AKAP13: variants seen among roughly 807,000 people sequenced by gnomAD.
AKAP13 encodes the protein A-kinase anchoring protein 13, also known as A-kinase anchor protein 13.
AKAP13 carries 80 observed loss-of-function variants against 264.5 expected under a neutral mutation model. The observed-to-expected ratio is 0.30, with a 90% CI of 0.25 to 0.36. AKAP13 has a LOEUF of 0.36. Among genes scored for constraint, AKAP13 ranks in the 10% least tolerant of loss-of-function variants. AKAP13 has a pLI of 1.00. For missense variants in AKAP13, 3,712 were observed against 3,435.2 expected (o/e 1.08, Z -2.01); for synonymous variants, 1,380 against 1,250.2 (o/e 1.10, Z -2.19).
intron 1 of AKAP13, among the ~76,000 whole-genome samples, chr15:85,482,536 G>A (rs2075383282): frequency 6.6e-6 from 1 of 152,154 alleles, no homozygotes; most frequent in African/African-American, 2.4e-5. Flanking sequence ...GATGGGGCTC[G>A]AGGTATAGGG....
At chr15:85,639,324 A>T in intron 8 of AKAP13, 50 bp from the exon 9 acceptor site, 1 of 1,343,952 alleles carries the variant, frequency 7.4e-7, no homozygotes. Flanking sequence ...CTGTAAAATT[A>T]TCTCACATTA....
intron 14 of AKAP13, among the ~76,000 whole-genome samples, chr15:85,675,784 C>G (rs1222344222): frequency 6.6e-6 from 1 of 152,190 alleles, no homozygotes; most frequent in Non-Finnish European, 1.5e-5. Context: ...GAAAGCAAGA[C>G]TGAGGAATTT....
chr15:85,658,968 G>A (rs1358540618), intron 12 of AKAP13, among the ~76,000 whole-genome samples: 1 of 151,840 alleles, frequency 6.6e-6, no homozygotes, highest in Admixed American at 6.6e-5. Context: ...TTCCACAAAA[G>A]AAAAACCAGG....
At chr15:85,593,351 A>G (rs1420663272) in intron 8 of AKAP13, among the ~76,000 whole-genome samples, 2 of 151,958 alleles carry the variant, frequency 1.3e-5, no homozygotes, top group Non-Finnish European at 2.9e-5. Flanking sequence ...AAAACCAAAA[A>G]CAAAACTGAG....
chr15:85,454,254 C>G (rs1056590372), intron 1 of AKAP13, among the ~76,000 whole-genome samples: 2 of 152,218 alleles, frequency 1.3e-5, no homozygotes, highest in East Asian at 3.8e-4. Context: ...CCAGGGTCTT[C>G]ACGCATGCCA....
rs71468125 is a variant in AKAP13, at chr15:85,630,166, T to TATACAC, written c.4162-9207_4162-9206insTACACA. On this transcript the variant is annotated intron_variant, in intron 8 of 36. Coordinates refer to ENST00000394518, the MANE Select transcript of AKAP13 (RefSeq NM_007200.5). ...TCTCTATTCTCTGTTTTTTAACACATACACACACACACACACACACACACA... is the reference window on the plus strand; with the variant it reads ...TCTCTATTCTCTGTTTTTTAACACATATACACACACACACACACACACACACACACA... Among the ~76,000 whole-genome samples the TATACAC allele has an allele frequency of 7.5e-3, 753 of 100,152 alleles. 11 individuals are homozygous for TATACAC. Among genetic ancestry groups the TATACAC allele is most frequent in the East Asian group, 0.036 (136 of 3,786 alleles). The allele number at this position is 100,152 out of a possible 152,430, so 65.7% of individuals were successfully genotyped here. A position where few individuals can be genotyped will look rare whatever the true frequency, so the allele number is the denominator to read the frequency against.
chr15:85,640,138 A>G (rs995604809), intron 9 of AKAP13, among the ~76,000 whole-genome samples: 2 of 152,134 alleles, frequency 1.3e-5, no homozygotes. Flanking sequence ...TATGTTCCCT[A>G]ATGTCTGTGT....
At chr15:85,612,959 T>A (rs1354218741) in intron 8 of AKAP13, among the ~76,000 whole-genome samples, 1 of 152,238 alleles carries the variant, frequency 6.6e-6, no homozygotes, top group African/African-American at 2.4e-5. Flanking sequence ...TTCATGAAAT[T>A]GGTAAGATTT....
intron 2 of AKAP13, among the ~76,000 whole-genome samples, chr15:85,516,517 C>A (rs2076605507): frequency 8.5e-5 from 13 of 152,142 alleles, no homozygotes; most frequent in Admixed American, 8.5e-4. Context: ...GACACTGTTA[C>A]CTATAACCTG....
At chr15:85,565,727 A>G (rs1370699170) in intron 5 of AKAP13, among the ~76,000 whole-genome samples, 3 of 152,226 alleles carry the variant, frequency 2.0e-5, no homozygotes, top group African/African-American at 7.2e-5. Context: ...GATTCTAGGT[A>G]TGGGCCTCAT....
chr15:85,598,097 A>T (rs1201563518), intron 8 of AKAP13, among the ~76,000 whole-genome samples: 4 of 151,990 alleles, frequency 2.6e-5, no homozygotes, highest in African/African-American at 9.7e-5. Flanking sequence ...TTTCTTTGTC[A>T]TTCTTCCTCC....
chr15:85,652,832 C>T (rs533344656), intron 10 of AKAP13, among the ~76,000 whole-genome samples: 2 of 152,300 alleles, frequency 1.3e-5, no homozygotes, highest in South Asian at 4.1e-4. Flanking sequence ...GTGGTATTCT[C>T]TCCTGTGTGT....
intron 1 of AKAP13, among the ~76,000 whole-genome samples, chr15:85,443,139 C>G (rs948315211): frequency 2.6e-5 from 4 of 151,896 alleles, no homozygotes; most frequent in African/African-American, 9.7e-5. Context: ...CCCCCACCCC[C>G]CAACACAGTT....
chr15:85,676,312 G>A (rs1199587530), intron 14 of AKAP13, among the ~76,000 whole-genome samples: 5 of 152,246 alleles, frequency 3.3e-5, no homozygotes, highest in African/African-American at 1.2e-4. Flanking sequence ...TGAGCTGGAA[G>A]ACAAAGTGAA....
At position 85,533,665 on chromosome 15, in the gene AKAP13, A is replaced by C; in HGVS notation, c.263A>C (p.Asp88Ala). Reference protein sequence around the residue: ...GLPVFVVAEEDFHFVQDEAYD... With the variant: ...GLPVFVVAEEAFHFVQDEAYD... ...CCCGTGTTTGTGGTGGCTGAAGAAGACTTTCATTTCGTCCAGGATGAAGCG... is the reference window on the plus strand; with the variant it reads ...CCCGTGTTTGTGGTGGCTGAAGAAGCCTTTCATTTCGTCCAGGATGAAGCG... The change falls in exon 4 of 37, where the codon GAC (aspartate) becomes GCC (alanine). Residue 88 changes from aspartate to alanine, a missense_variant. This residue lies in a region of AKAP13 where 2,759 missense variants were observed against 2,411.7 expected (regional missense o/e 1.14). Coordinates refer to ENST00000394518, the MANE Select transcript of AKAP13 (RefSeq NM_007200.5). 6.2e-7 allele frequency: 1 copy of C among 1,614,190 alleles called. No individual in the cohort carries two copies. Among genetic ancestry groups the C allele is most frequent in the Non-Finnish European group, 8.5e-7 (1 of 1,180,016 alleles).
At chr15:85,619,053 T>A (rs545030327) in intron 8 of AKAP13, among the ~76,000 whole-genome samples, 118 of 152,206 alleles carry the variant, frequency 7.8e-4, no homozygotes, top group African/African-American at 2.8e-3. Context: ...GCTTGTGGTG[T>A]TTAGTATAAC....
intron 1 of AKAP13, among the ~76,000 whole-genome samples, chr15:85,424,409 A>G (rs1278089475): frequency 6.6e-6 from 1 of 152,150 alleles, no homozygotes; most frequent in African/African-American, 2.4e-5. Flanking sequence ...TCATGAACCA[A>G]TGCTCTGCTA....
chr15:85,415,246 T>C (rs1316358640), intron 1 of AKAP13: 2 of 1,565,530 alleles, frequency 1.3e-6, no homozygotes, highest in African/African-American at 1.4e-5. Context: ...GTTCAGCAGC[T>C]GGAAGGAAGA....
intron 1 of AKAP13, among the ~76,000 whole-genome samples, chr15:85,399,512 AAAAAAAAAAATAAAAAAAT>A (rs2071294003): frequency 2.2e-5 from 2 of 89,636 alleles, no homozygotes; most frequent in Admixed American, 1.0e-4. Context: ...CAAAAAAAAA[AAAAAAAAAAATAAAAAAAT>A]AAAAAAATAA....
Sources: gnomAD v4.1 joint callset for allele counts (sites outside exome capture counted in the v4.1 genomes callset) on GRCh38, gnomAD v4.1.1 for gene constraint, gnomAD v4.1.1 regional missense constraint, MANE v1.5 for transcripts, NCBI Gene and HGNC (gene_info 2026-07-23, HGNC 2026-07-21) for gene names.